Variants in PARD3 observed in about 807,000 individuals in gnomAD.
PARD3 encodes the protein par-3 family cell polarity regulator, also known as partitioning defective 3 homolog.
PARD3 carries 75 observed loss-of-function variants against 155.4 expected under a neutral mutation model. That is an observed-to-expected ratio of 0.48 (90% CI 0.40 to 0.58). The LOEUF is 0.58. Ranked by LOEUF, PARD3 falls within the 20% of genes least tolerant of loss-of-function variation. PARD3 has a pLI of 0.00. For synonymous variants in PARD3, 576 were observed against 610.5 expected (o/e 0.94, Z 0.83); for missense variants, 1,642 against 1,721.7 (o/e 0.95, Z 0.82).
At chr10:34,308,232 G>A (rs1391129207) in intron 20 of PARD3, among the ~76,000 whole-genome samples, 1 of 152,122 alleles carries the variant, frequency 6.6e-6, no homozygotes, top group East Asian at 1.9e-4. Flanking sequence ...GGTGCCGAAG[G>A]CTACTGGGGG....
intron 1 of PARD3, among the ~76,000 whole-genome samples, chr10:34,705,860 A>T (rs1367688617): frequency 2.0e-5 from 3 of 152,246 alleles, no homozygotes; most frequent in African/African-American, 4.8e-5. Context: ...AAATGGAGGC[A>T]TGAAACCAGG....
intron 2 of PARD3, among the ~76,000 whole-genome samples, chr10:34,681,083 AAC>A (rs922021034): frequency 1.3e-5 from 2 of 152,210 alleles, no homozygotes; most frequent in African/African-American, 4.8e-5. Context: ...AGCTGTATTT[AAC>A]AGTGTTATAC....
At chr10:34,733,631 G>A (rs1590867455) in intron 1 of PARD3, among the ~76,000 whole-genome samples, 1 of 152,152 alleles carries the variant, frequency 6.6e-6, no homozygotes, top group Non-Finnish European at 1.5e-5. Flanking sequence ...TTACAGGCGT[G>A]TGCCACCAAA....
intron 22 of PARD3, among the ~76,000 whole-genome samples, chr10:34,238,166 G>A (rs910224472): frequency 8.5e-5 from 13 of 152,092 alleles, no homozygotes; most frequent in Admixed American, 2.6e-4. Context: ...TCAAAAGAAC[G>A]CCACTCTAAT....
intron 2 of PARD3, among the ~76,000 whole-genome samples, chr10:34,626,507 C>T (rs1156878252): frequency 6.6e-6 from 1 of 152,146 alleles, no homozygotes; most frequent in East Asian, 1.9e-4. Context: ...AGAGAACAAA[C>T]AATGTAATTG....
At chr10:34,571,162 A>G (rs917082278) in intron 2 of PARD3, among the ~76,000 whole-genome samples, 7 of 152,086 alleles carry the variant, frequency 4.6e-5, no homozygotes, top group Non-Finnish European at 8.8e-5. Flanking sequence ...AATTGTAAAA[A>G]TTAGCTGGGG....
chr10:34,776,833 T>TTTTGG lies in PARD3; in HGVS notation c.120+38042_120+38043insCCAAA, dbSNP rs1564608800. On this transcript the variant is annotated intron_variant, in intron 1 of 24. Transcript: ENST00000374788. ...CCAAGTATTTTCAGTCGTGTTTTTTTGTGGGGGGGGGGGGCGGGTGGGGGA... is the reference window on the plus strand; with the variant it reads ...CCAAGTATTTTCAGTCGTGTTTTTTTTTTGGGTGGGGGGGGGGGGCGGGTGGGGGA... Among the ~76,000 whole-genome samples the TTTTGG allele has an allele frequency of 3.7e-3, 37 of 9,908 alleles. 6 individuals are homozygous for TTTTGG. The highest frequency in any genetic ancestry group is 9.2e-3 in the African/African-American group (32 of 3,482). The allele number at this position is 9,908 out of a possible 152,430, so 6.5% of individuals were successfully genotyped here.
chr10:34,229,124 C>A (rs1349177592), intron 22 of PARD3, among the ~76,000 whole-genome samples: 1 of 152,124 alleles, frequency 6.6e-6, no homozygotes, highest in Admixed American at 6.5e-5. Context: ...ACACGCCTAG[C>A]CAATGGGATC....
intron 2 of PARD3, among the ~76,000 whole-genome samples, chr10:34,685,442 C>A (rs1040581917): frequency 6.6e-6 from 1 of 152,142 alleles, no homozygotes; most frequent in Non-Finnish European, 1.5e-5. Flanking sequence ...AAAAACAGTA[C>A]GCTGGTCACC....
chr10:34,141,499 G>A (rs1177091631), intron 22 of PARD3, among the ~76,000 whole-genome samples: 1 of 152,138 alleles, frequency 6.6e-6, no homozygotes, highest in Non-Finnish European at 1.5e-5. Context: ...TGATGTGATA[G>A]CTCCAGTTCT....
intron 2 of PARD3, among the ~76,000 whole-genome samples, chr10:34,530,286 C>T (rs2082756220): frequency 6.6e-6 from 1 of 152,096 alleles, no homozygotes. Context: ...ACCAACCCTT[C>T]TTCCACTGTT....
chr10:34,334,711 TTGGTAGAATAGAC>T (rs1835970139), intron 18 of PARD3, among the ~76,000 whole-genome samples: 1 of 150,890 alleles, frequency 6.6e-6, no homozygotes, highest in South Asian at 2.1e-4. Flanking sequence ...CTAATTTAAT[TTGGTAGAATAGAC>T]TGCACAAAGT....
chr10:34,685,174 T>C (rs144276964), intron 2 of PARD3, among the ~76,000 whole-genome samples: 13 of 152,282 alleles, frequency 8.5e-5, no homozygotes, highest in East Asian at 3.9e-4. Context: ...GACAGTAGGG[T>C]ATGTATTTAT....
chr10:34,526,372 C>T (rs1048171788), intron 2 of PARD3, among the ~76,000 whole-genome samples: 4 of 152,180 alleles, frequency 2.6e-5, no homozygotes, highest in East Asian at 3.9e-4. Context: ...CCAGTCCCTA[C>T]GCTGTAATAG....
At chr10:34,186,015 G>A (rs1451206134) in intron 22 of PARD3, among the ~76,000 whole-genome samples, 1 of 151,942 alleles carries the variant, frequency 6.6e-6, no homozygotes, top group African/African-American at 2.4e-5. Context: ...TGAGCGGCAT[G>A]TGTAAAATTG....
Position 34,359,254 on chromosome 10 carries a change from T to C in PARD3, c.1960A>G (p.Thr654Ala). ...AGGGTTTCCATGGCATCTTGGTTTG[T>C]CTTGCCCAACAGGGATTCTCCATTT... Reference protein sequence around the residue: ...AVNGESLLGKTNQDAMETLRR... With the variant: ...AVNGESLLGKANQDAMETLRR... The change falls in exon 14 of 25, where the codon ACA (threonine) becomes GCA (alanine). Residue 654 changes from threonine to alanine, a missense_variant. Thr to Ala is a moderately conservative substitution (Grantham distance 58, BLOSUM62 0). Around this residue, in one of 3 missense-constraint regions of PARD3, gnomAD observed 1,529 missense variants for 1,587.3 expected, o/e 0.96. Coordinates refer to ENST00000374788, the MANE Select transcript of PARD3 (RefSeq NM_001184785.2). The C allele has an allele frequency of 6.2e-7, 1 of 1,613,932 alleles. No homozygotes were observed. The highest frequency in any genetic ancestry group is 1.1e-5 in the South Asian group (1 of 91,072).
chr10:34,157,199 T>G (rs749038154), intron 22 of PARD3, among the ~76,000 whole-genome samples: 7 of 152,214 alleles, frequency 4.6e-5, no homozygotes, highest in South Asian at 2.1e-4. Flanking sequence ...GATCCTGGCT[T>G]GGACAAGGCA....
At chr10:34,461,661 AT>A (rs1229738485) in intron 4 of PARD3, among the ~76,000 whole-genome samples, 2 of 152,106 alleles carry the variant, frequency 1.3e-5, no homozygotes, top group Non-Finnish European at 2.9e-5. Context: ...AGATTAAAAT[AT>A]TTTTTCAATG....
At chr10:34,254,349 A>G (rs896623798) in intron 22 of PARD3, among the ~76,000 whole-genome samples, 4 of 152,146 alleles carry the variant, frequency 2.6e-5, no homozygotes, top group Non-Finnish European at 4.4e-5. Context: ...ACTGCACTCC[A>G]GCCTGGGCGA....
Sources: gnomAD v4.1 joint callset for allele counts (sites outside exome capture counted in the v4.1 genomes callset) on GRCh38, gnomAD v4.1.1 for gene constraint, gnomAD v4.1.1 regional missense constraint, MANE v1.5 for transcripts, NCBI Gene and HGNC (gene_info 2026-07-23, HGNC 2026-07-21) for gene names.